Variants in GAS7 observed in about 807,000 individuals in gnomAD.
GAS7 encodes the protein growth arrest specific 7.
Under a neutral mutation model 71.1 loss-of-function variants are expected in GAS7, and 28 were observed. The ratio of observed to expected loss-of-function variants is 0.39; its 90% confidence interval spans 0.29 to 0.54. The LOEUF is 0.54. Among genes scored for constraint, GAS7 ranks in the 20% least tolerant of loss-of-function variants. The pLI is 0.62. For missense variants in GAS7, 436 were observed against 627.8 expected (o/e 0.69, Z 3.27); for synonymous variants, 258 against 245.8 (o/e 1.05, Z -0.46).
chr17:10,103,004 C>T lies in GAS7; in HGVS notation c.184-83107G>A, dbSNP rs907837864. ...ATCCTCAGAGTGGGATCCAGGGAGG[C>T]ACCAGCAGCATTCCTGTCGCCTAGA... is the stretch of plus-strand genomic sequence containing the variant. On this transcript the variant is annotated intron_variant, in intron 1 of 13. Coordinates refer to ENST00000432992, the MANE Select transcript of GAS7 (RefSeq NM_201433.2). The surrounding 1 kb of genome is among the most constrained non-coding windows in gnomAD (Gnocchi z 5.5). Among the ~76,000 whole-genome samples the T allele has an allele frequency of 8.5e-5, 13 of 152,118 alleles. No homozygotes were observed. Among genetic ancestry groups the T allele is most frequent in the African/African-American group, 2.9e-4 (12 of 41,414 alleles).
At chr17:10,040,760 G>A (rs956306938) in intron 1 of GAS7, among the ~76,000 whole-genome samples, 1 of 152,178 alleles carries the variant, frequency 6.6e-6, no homozygotes, top group Non-Finnish European at 1.5e-5. Flanking sequence ...TGTGGGAGGA[G>A]AGGCCGGGTG....
intron 1 of GAS7, among the ~76,000 whole-genome samples, chr17:10,070,341 CTTTT>C (rs71365713): frequency 1.4e-3 from 145 of 106,126 alleles, no homozygotes; most frequent in South Asian, 1.3e-3. Flanking sequence ...TCTCTCTCTT[CTTTT>C]TTTTTTTTTT....
intron 1 of GAS7, among the ~76,000 whole-genome samples, chr17:10,058,907 A>C (rs897532749): frequency 1.4e-4 from 21 of 152,226 alleles, no homozygotes; most frequent in African/African-American, 5.1e-4. Flanking sequence ...TCAAACTTCC[A>C]TGCTCTTTCC....
At chr17:10,088,034 A>G (rs533278220) in intron 1 of GAS7, among the ~76,000 whole-genome samples, 47 of 152,056 alleles carry the variant, frequency 3.1e-4, no homozygotes, top group African/African-American at 1.1e-3. Context: ...CAGCCTGGCC[A>G]ACATGGTGAA....
At chr17:9,931,313 T>C (rs992600290) in intron 9 of GAS7, among the ~76,000 whole-genome samples, 2 of 152,220 alleles carry the variant, frequency 1.3e-5, no homozygotes, top group African/African-American at 2.4e-5. Flanking sequence ...ACACCACTTA[T>C]GTCACCACTA....
intron 2 of GAS7, among the ~76,000 whole-genome samples, chr17:10,003,228 G>T (rs995555226): frequency 1.3e-4 from 20 of 152,192 alleles, no homozygotes; most frequent in African/African-American, 4.6e-4. Context: ...AGAGGAGCCT[G>T]GGGGTTCCGC....
chr17:10,105,769 G>A (rs964519085), intron 1 of GAS7, among the ~76,000 whole-genome samples: 2 of 152,080 alleles, frequency 1.3e-5, no homozygotes, highest in Admixed American at 6.6e-5. Flanking sequence ...TCTTGTTTGC[G>A]TCTGTCAGCT....
chr17:10,019,692 G>A (rs968939141), intron 2 of GAS7, 85 bp downstream of exon 2: 13 of 1,344,336 alleles, frequency 9.7e-6, no homozygotes, highest in African/African-American at 7.3e-5. Context: ...AAACAGAGAG[G>A]CGAAGAAGGG....
chr17:10,169,362 G>A (rs896282351), intron 1 of GAS7, among the ~76,000 whole-genome samples: 11 of 152,142 alleles, frequency 7.2e-5, no homozygotes, highest in African/African-American at 2.4e-4. Flanking sequence ...AAAACTTCTT[G>A]TGGGTTAAGC....
chr17:9,940,073 T>G, intron 8 of GAS7, 53 bp downstream of exon 8: 1 of 998,882 alleles, frequency 1.0e-6, no homozygotes, highest in East Asian at 2.4e-5. Flanking sequence ...CTGATTTCCC[T>G]TCCTCAGTGA....
At chr17:9,934,332 G>A (rs761783222) in intron 8 of GAS7, 88 bp from the exon 9 acceptor site, 10 of 852,362 alleles carry the variant, frequency 1.2e-5, no homozygotes, top group Non-Finnish European at 1.9e-5. Flanking sequence ...GTCTCGGGGA[G>A]GTATATGACA....
chr17:10,128,937 T>A (rs2073975004), intron 1 of GAS7, among the ~76,000 whole-genome samples: 1 of 152,218 alleles, frequency 6.6e-6, no homozygotes, highest in African/African-American at 2.4e-5. Flanking sequence ...TTTTCTTTTT[T>A]CAAATTCCAA....
chr17:10,054,865 C>T (rs928248420), intron 1 of GAS7, among the ~76,000 whole-genome samples: 2 of 152,112 alleles, frequency 1.3e-5, no homozygotes, highest in Non-Finnish European at 2.9e-5. Context: ...CTGGGCCTAA[C>T]CTTCTTTGGA....
At chr17:10,188,996 C>T (rs1227576169) in intron 1 of GAS7, among the ~76,000 whole-genome samples, 1 of 152,182 alleles carries the variant, frequency 6.6e-6, no homozygotes, top group Non-Finnish European at 1.5e-5. Flanking sequence ...CATTCTTATA[C>T]TGATATGTTC....
At chr17:10,005,157 G>GTGTATGTACATGCATACATGCATGCGTA (rs1426400377) in intron 2 of GAS7, among the ~76,000 whole-genome samples, 3 of 88,336 alleles carry the variant, frequency 3.4e-5, no homozygotes, top group Non-Finnish European at 9.6e-5. Flanking sequence ...ATGCATGCAT[G>GTGTATGTACATGCATACATGCATGCGTA]TGTGTGCGCA....
intron 1 of GAS7, among the ~76,000 whole-genome samples, chr17:10,056,855 T>C (rs1057285594): frequency 6.6e-6 from 1 of 152,160 alleles, no homozygotes; most frequent in Non-Finnish European, 1.5e-5. Flanking sequence ...AGCTAGACTG[T>C]ACTGCCGCCA....
At chr17:10,128,166 G>A (rs938193398) in intron 1 of GAS7, among the ~76,000 whole-genome samples, 18 of 152,198 alleles carry the variant, frequency 1.2e-4, no homozygotes, top group African/African-American at 2.9e-4. Flanking sequence ...GTTCCGGGGC[G>A]GCTCCAGTGC....
At chr17:10,079,975 CAG>C (rs2073440268) in intron 1 of GAS7, among the ~76,000 whole-genome samples, 1 of 152,112 alleles carries the variant, frequency 6.6e-6, no homozygotes, top group Admixed American at 6.5e-5. Flanking sequence ...GTGTTTGAAC[CAG>C]AGTGACTCCA....
Position 9,913,557 on chromosome 17 carries a change from T to A in GAS7, c.*3671A>T. ...AACCCCTGGTTGGTGAATTCGTTGG[T>A]ACACTGTTTCGGTGTGCCCAGCTGT... On this transcript the variant is annotated 3_prime_UTR_variant, in exon 14 of 14. Coordinates refer to ENST00000432992, the MANE Select transcript of GAS7 (RefSeq NM_201433.2). 4.3e-6 allele frequency: 1 copy of A among 231,662 alleles called. No individual in the cohort carries two copies. The highest frequency in any genetic ancestry group is 8.6e-6 in the Non-Finnish European group (1 of 116,806). 14.4% of individuals were successfully genotyped at this position (231,662 alleles called of 1,614,324 possible). A position where few individuals can be genotyped will look rare whatever the true frequency, so the allele number is the denominator to read the frequency against.
Sources: gnomAD v4.1 joint callset for allele counts (sites outside exome capture counted in the v4.1 genomes callset) on GRCh38, gnomAD v4.1.1 for gene constraint, Gnocchi (gnomAD v3.1) non-coding constraint, MANE v1.5 for transcripts, NCBI Gene and HGNC (gene_info 2026-07-23, HGNC 2026-07-21) for gene names.